Variants in LASP1 observed in about 807,000 individuals in gnomAD.
LASP1 encodes LIM and SH3 domain protein 1.
Under a neutral mutation model 38.6 loss-of-function variants are expected in LASP1, and 10 were observed. The ratio of observed to expected loss-of-function variants is 0.26; its 90% confidence interval spans 0.16 to 0.44. The LOEUF (loss-of-function observed/expected upper bound fraction) is 0.44, where lower values mean the gene tolerates loss of function less well. Ranked by LOEUF, LASP1 falls within the 20% of genes least tolerant of loss-of-function variation. The pLI is 1.00. For missense variants in LASP1, 243 were observed against 375.7 expected, an observed-to-expected ratio of 0.65 and a Z score of 2.92; for synonymous variants, 132 against 140.8, an observed-to-expected ratio of 0.94 and a Z score of 0.44.
intron 3 of LASP1, among the ~76,000 whole-genome samples, chr17:38,898,161 G>C (rs992521405): frequency 6.6e-6 from 1 of 152,216 alleles, no homozygotes; most frequent in Admixed American, 6.5e-5. Context: ...ATCTAAATGA[G>C]ATGGTTCATG....
rs190702308 is a variant in LASP1, at chr17:38,874,692, T to G, written c.70-3394T>G. ...TAGTAACTGGTTTCCATGTTTCTGC[T>G]CAGAGCCCCCTGCAGGGGGACAGGC... On this transcript the variant is annotated intron_variant, in intron 1 of 6. Coordinates refer to ENST00000318008, the MANE Select transcript of LASP1 (RefSeq NM_006148.4). Among the ~76,000 whole-genome samples the G allele has an allele frequency of 1.6e-4, 25 of 152,272 alleles. No homozygotes were observed. In the East Asian group the frequency reaches 4.6e-3, roughly 28 times the overall value.
chr17:38,892,622 G>A (rs948524387), intron 3 of LASP1, among the ~76,000 whole-genome samples: 9 of 151,052 alleles, frequency 6.0e-5, no homozygotes, highest in Non-Finnish European at 8.8e-5. Context: ...AAACCCCTCA[G>A]CCTTTGTCAG....
At position 38,919,481 on chromosome 17, in the gene LASP1, G is replaced by T; in HGVS notation, c.*703G>T. 4.1e-6 allele frequency: 1 copy of T among 244,758 alleles called. No individual in the cohort carries two copies. The highest frequency in any genetic ancestry group is 8.1e-6 in the Non-Finnish European group (1 of 123,832). 15.2% of individuals were successfully genotyped at this position (244,758 alleles called of 1,614,324 possible). The stretch of plus-strand genomic sequence containing the variant: ...TCCCGAGGAAGCACAGCTTGGGTCA[G>T]GTTCTTGCCTTTCTTAATTTTAGGG... On this transcript the variant is annotated 3_prime_UTR_variant, in exon 7 of 7. Transcript: ENST00000318008.
rs942123986 is a variant in LASP1 at position 38,870,271 on chromosome 17, C to T, written c.69+13C>T. On this transcript the variant is annotated intron_variant, in intron 1 of 6. Coordinates refer to ENST00000318008, the MANE Select transcript of LASP1 (RefSeq NM_006148.4). ...CTGTCTGGATAAGGTGAGCCCGGGA[C>T]CGGGAGACGCGTCTTTGCAATCCCC... 11 of 1,613,122 alleles carry T rather than the reference C, an allele frequency of 6.8e-6. No homozygotes were observed. The highest frequency in any genetic ancestry group is 5.0e-5 in the Admixed American group (3 of 59,924).
Position 38,919,324 on chromosome 17 carries a change from C to T in LASP1, c.*546C>T. The T allele has an allele frequency of 4.1e-6, 1 of 241,164 alleles. No individual in the cohort carries two copies. The highest frequency in any genetic ancestry group is 8.2e-6 in the Non-Finnish European group (1 of 122,380). The allele number at this position is 241,164 out of a possible 1,614,324, so 14.9% of individuals were successfully genotyped here. A position where few individuals can be genotyped will look rare whatever the true frequency, so the allele number is the denominator to read the frequency against. On this transcript the variant is annotated 3_prime_UTR_variant, in exon 7 of 7. Coordinates refer to ENST00000318008, the MANE Select transcript of LASP1 (RefSeq NM_006148.4). ...TGCCCACCTGGGGTCTCTCTCCCTA[C>T]CTCCCTCCTCAGGGGCAACAACAGG...
intron 4 of LASP1, among the ~76,000 whole-genome samples, chr17:38,901,359 G>GAGCT (rs1476765941): frequency 6.6e-6 from 1 of 152,246 alleles, no homozygotes; most frequent in Non-Finnish European, 1.5e-5. Flanking sequence ...GTGCTGCAGT[G>GAGCT]AGCTAATGGT....
intron 1 of LASP1, among the ~76,000 whole-genome samples, chr17:38,872,637 A>C (rs945853227): frequency 3.3e-5 from 5 of 152,154 alleles, no homozygotes; most frequent in African/African-American, 1.2e-4. Flanking sequence ...GGAAACCTTC[A>C]GTCCCATAGG....
At chr17:38,876,269 C>T (rs1598103411) in intron 1 of LASP1, among the ~76,000 whole-genome samples, 2 of 151,254 alleles carry the variant, frequency 1.3e-5, no homozygotes, top group South Asian at 4.2e-4. Context: ...ACCTCCACCT[C>T]CTGGGTTTAA....
intron 2 of LASP1, among the ~76,000 whole-genome samples, chr17:38,883,956 T>TG (rs1914030749): frequency 6.6e-6 from 1 of 151,384 alleles, no homozygotes; most frequent in Non-Finnish European, 1.5e-5. Flanking sequence ...TTCCCGCCTG[T>TG]GGGCAGCCTT....
rs535828103 is a variant in LASP1 at position 38,891,559 on chromosome 17, G to A, written c.249+1055G>A. Among the ~76,000 whole-genome samples, 17 of 152,252 alleles carry A rather than the reference G, an allele frequency of 1.1e-4. No homozygotes were observed. The South Asian group carries it at 3.1e-3, about 28-fold the overall frequency. Reference sequence around the variant, plus strand: ...TTTGAGGGACTAGCTGAGGTCCTGCGGGTAGGAGAGGCAATAATAATATTC... The same window carrying A: ...TTTGAGGGACTAGCTGAGGTCCTGCAGGTAGGAGAGGCAATAATAATATTC... On this transcript the variant is annotated intron_variant, in intron 3 of 6. Coordinates refer to ENST00000318008, the MANE Select transcript of LASP1 (RefSeq NM_006148.4).
At chr17:38,900,887 C>A (rs146112182) in intron 4 of LASP1, among the ~76,000 whole-genome samples, 2 of 152,312 alleles carry the variant, frequency 1.3e-5, no homozygotes, top group African/African-American at 2.4e-5. Flanking sequence ...CCTGGCCTCA[C>A]GCCCTGGAGC....
At position 38,914,448 on chromosome 17, in the gene LASP1, C is replaced by T. The variant is rs909629195; in HGVS notation, c.481C>T (p.Pro161Ser). ...CCGGCGGCCCCTGGAGCAGCAGCAG[C>T]CTCACCACATCCCGACCAGTGCCCC... ...SYRRPLEQQQ[P>S]HHIPTSAPVY... The change falls in exon 5 of 7, where the codon CCT (proline) becomes TCT (serine). Residue 161 changes from proline to serine, a missense_variant. This residue lies in a region of LASP1 where 165 missense variants were observed against 210.3 expected (regional missense o/e 0.78). Transcript: ENST00000318008. 3.7e-6 allele frequency: 6 copies of T among 1,610,096 alleles called. No homozygotes were observed.
At chr17:38,890,540 G>A (rs1567698469) in intron 3 of LASP1, 36 bp downstream of exon 3, 8 of 1,581,162 alleles carry the variant, frequency 5.1e-6, no homozygotes, top group Non-Finnish European at 5.2e-6. Flanking sequence ...CTGGCAGGGA[G>A]GGATGCTGGG....
At position 38,918,673 on chromosome 17, in the gene LASP1, C is replaced by T. The variant is rs1950473330; in HGVS notation, c.681C>T (p.Asp227=). ...DEDEVSFQDG[D]TIVNVQQIDD... ...ACGAGGTCTCCTTCCAGGACGGGGA[C>T]ACCATCGTCAACGTGCAGCAGATCG... is the stretch of plus-strand genomic sequence containing the variant. Residue 227 remains aspartate (D), a synonymous_variant, in exon 7 of 7, where the codon GAC becomes GAT. Coordinates refer to ENST00000318008, the MANE Select transcript of LASP1 (RefSeq NM_006148.4). This position sits in a 1 kb window ranked among gnomAD's most constrained non-coding sequence, Gnocchi z 4.4. The T allele has an allele frequency of 6.2e-7, 1 of 1,613,888 alleles. No homozygotes were observed.
intron 3 of LASP1, 85 bp from the exon 4 acceptor site, chr17:38,898,320 TCTCCTGA>T: frequency 1.4e-6 from 1 of 718,506 alleles, no homozygotes; most frequent in Non-Finnish European, 2.3e-6. Context: ...CCTGTCCCTG[TCTCCTGA>T]CTGGTTGCTG....
At chr17:38,878,313 G>A (rs1328037667) in intron 2 of LASP1, 133 bp downstream of exon 2, 1 of 648,634 alleles carries the variant, frequency 1.5e-6, no homozygotes, top group African/African-American at 1.8e-5. Flanking sequence ...ATCACAGTTT[G>A]TCCTCACAAC....
intron 2 of LASP1, among the ~76,000 whole-genome samples, chr17:38,886,022 G>A (rs1914116525): frequency 6.6e-6 from 1 of 151,936 alleles, no homozygotes; most frequent in Admixed American, 6.6e-5. Context: ...TGCCCTCATG[G>A]GCTTCTCCTT....
At chr17:38,885,948 C>G (rs1914112840) in intron 2 of LASP1, among the ~76,000 whole-genome samples, 1 of 152,114 alleles carries the variant, frequency 6.6e-6, no homozygotes, top group Non-Finnish European at 1.5e-5. Flanking sequence ...GAAACAAACC[C>G]GTGACACTTG....
chr17:38,875,071 G>GTTTGTGTGTGTGTGTGTGTGTGTGTGTA (rs1567694225), intron 1 of LASP1, among the ~76,000 whole-genome samples: 74 of 135,882 alleles, frequency 5.4e-4, no homozygotes, highest in Middle Eastern at 3.7e-3. Flanking sequence ...GTGTGTGTGT[G>GTTTGTGTGTGTGTGTGTGTGTGTGTGTA]TGTGTGTGTG....
Sources: allele counts gnomAD v4.1 joint callset (sites outside exome capture counted in the v4.1 genomes callset), GRCh38; gene constraint gnomAD v4.1.1; regional missense constraint gnomAD v4.1.1; non-coding constraint Gnocchi (gnomAD v3.1); transcripts MANE v1.5; gene names NCBI Gene and HGNC (gene_info 2026-07-23, HGNC 2026-07-21).